The following HEG1 variants were observed in gnomAD, a reference collection of about 807,000 sequenced individuals.
The protein encoded by HEG1 is protein HEG homolog 1.
A neutral mutation model predicts 125.6 loss-of-function variants in HEG1; 56 were observed. The ratio of observed to expected loss-of-function variants is 0.45; its 90% CI spans 0.36 to 0.56. The LOEUF (loss-of-function observed/expected upper bound fraction) is 0.56. Among genes scored for constraint, HEG1 ranks in the 20% least tolerant of loss-of-function variants. The probability of loss-of-function intolerance (pLI) is 0.00; values close to 1 mark genes in which losing one functional copy is unlikely to be tolerated. For synonymous variants in HEG1, 644 were observed against 668.5 expected (o/e 0.96, Z 0.57); for missense variants, 1,523 against 1,670.0 (o/e 0.91, Z 1.53).
intron 14 of HEG1, among the ~76,000 whole-genome samples, chr3:124,990,493 C>T (rs956447928): frequency 1.3e-5 from 2 of 152,186 alleles, no homozygotes; most frequent in Admixed American, 6.5e-5. Context: ...CATGTGCCAT[C>T]ACACCCAGCT....
rs375137864 is a variant in HEG1 at position 124,973,801 on chromosome 3, C to T, written c.3926G>A (p.Arg1309Gln). The part of the protein sequence containing the change: ...PKNPRSQEWG[R>Q]EAIEMHENGS... The stretch of plus-strand genomic sequence containing the variant: ...ATTCTCATGCATTTCAATAGCTTCT[C>T]GGCCCCATTCTTGTGAGCGAGGATT... The change falls in exon 16 of 17, where the codon CGA becomes CAA. Residue 1309 changes from arginine to glutamine, a missense_variant. Arg to Gln is a conservative substitution (Grantham distance 43, BLOSUM62 1). Coordinates refer to ENST00000311127, the MANE Select transcript of HEG1 (RefSeq NM_020733.2). 55 of 1,613,786 alleles carry T rather than the reference C, an allele frequency of 3.4e-5. No homozygotes were observed. The highest frequency in any genetic ancestry group is 3.8e-5 in the Non-Finnish European group (45 of 1,179,812).
At chr3:124,992,400 A>G (rs1176063605) in intron 12 of HEG1, among the ~76,000 whole-genome samples, 2 of 152,252 alleles carry the variant, frequency 1.3e-5, no homozygotes, top group African/African-American at 4.8e-5. Context: ...GAAAGCAATG[A>G]AAAATGGCCT....
intron 12 of HEG1, among the ~76,000 whole-genome samples, chr3:124,993,481 C>T (rs938471511): frequency 2.0e-5 from 3 of 152,148 alleles, no homozygotes; most frequent in Admixed American, 6.5e-5. Context: ...GCTCCTGCCT[C>T]TCCCATGTCT....
rs796456602 is a variant in HEG1, at chr3:125,019,176, T to G, written c.1588+86A>C. On this transcript the variant is annotated intron_variant, in intron 5 of 16. Coordinates refer to ENST00000311127, the MANE Select transcript of HEG1 (RefSeq NM_020733.2). ...AGCCACCACGCTAGGCCCTCATGCG[T>G]GGTTTTAATACGCCACAGATTTCAT... The G allele has an allele frequency of 8.6e-6, 10 of 1,166,296 alleles. No individual in the cohort carries two copies. The African/African-American group carries it at 1.5e-4, about 18-fold the overall frequency. 72.2% of individuals were successfully genotyped at this position (1,166,296 alleles called of 1,614,324 possible). A position where few individuals can be genotyped will look rare whatever the true frequency, so the allele number is the denominator to read the frequency against.
chr3:125,001,756 C>T (rs1937002723), intron 11 of HEG1, 96 bp downstream of exon 11: 4 of 1,368,016 alleles, frequency 2.9e-6, no homozygotes, highest in East Asian at 2.5e-5. Flanking sequence ...TCTGTGAGGG[C>T]CTTTCCTGGG....
chr3:124,973,549 T>G (rs950733191), intron 16 of HEG1, among the ~76,000 whole-genome samples, 182 bp downstream of exon 16: 1 of 152,192 alleles, frequency 6.6e-6, no homozygotes, highest in East Asian at 1.9e-4. Flanking sequence ...CATACCTCAA[T>G]AGCAACACTG....
intron 12 of HEG1, among the ~76,000 whole-genome samples, chr3:124,993,090 T>C (rs1936858276): frequency 6.6e-6 from 1 of 152,170 alleles, no homozygotes; most frequent in Non-Finnish European, 1.5e-5. Context: ...AGCTGCTCTT[T>C]ATTTTAGGGA....
rs1937006073 is a variant in HEG1, at chr3:125,001,931, C to G, written c.3438G>C (p.Arg1146Ser). Residue 1146 changes from arginine (R) to serine (S), a missense_variant, in exon 11 of 17, where the codon AGG becomes AGC. By Grantham distance (110) the Arg-to-Ser change is moderately radical (BLOSUM62 -1). Transcript: ENST00000311127. ...SNVTLFDLAD[R>S]MQKCVNSCKS... ...TGCAGGAGTTGACACATTTCTGCAT[C>G]CTATCAGCCAGGTCAAATAGCGTCA... 2 of 1,613,958 alleles carry G rather than the reference C, an allele frequency of 1.2e-6. No individual in the cohort carries two copies. The highest frequency in any genetic ancestry group is 1.7e-5 in the Admixed American group (1 of 60,026).
intron 6 of HEG1, among the ~76,000 whole-genome samples, chr3:125,011,213 G>GA (rs899351386): frequency 1.3e-5 from 2 of 148,726 alleles, no homozygotes; most frequent in African/African-American, 2.5e-5. Context: ...GTGGTGGAAT[G>GA]AAAAAAAGAA....
At chr3:125,005,683 A>G (rs1258975324) in intron 8 of HEG1, among the ~76,000 whole-genome samples, 2 of 152,210 alleles carry the variant, frequency 1.3e-5, no homozygotes, top group Admixed American at 1.3e-4. Context: ...GGCCTCCCGC[A>G]CAATAGATGC....
intron 12 of HEG1, among the ~76,000 whole-genome samples, chr3:124,997,484 C>T (rs1242093184): frequency 2.0e-5 from 3 of 152,240 alleles, no homozygotes. Context: ...ATTGGCCAGA[C>T]CAGCATGCAC....
At chr3:125,050,759 T>TA (rs1243153061) in intron 1 of HEG1, among the ~76,000 whole-genome samples, 1 of 152,218 alleles carries the variant, frequency 6.6e-6, no homozygotes, top group Non-Finnish European at 1.5e-5. Context: ...CTCTTCCACA[T>TA]AGCAAGGCTT....
At chr3:125,051,667 G>C (rs1174216400) in intron 1 of HEG1, among the ~76,000 whole-genome samples, 1 of 152,218 alleles carries the variant, frequency 6.6e-6, no homozygotes, top group Non-Finnish European at 1.5e-5. Flanking sequence ...CTTCCTTGTT[G>C]CCTCCCCAGG....
chr3:125,031,084 G>T (rs781552010), intron 1 of HEG1, among the ~76,000 whole-genome samples: 1 of 152,126 alleles, frequency 6.6e-6, no homozygotes, highest in Non-Finnish European at 1.5e-5. Flanking sequence ...TAAAGTTGGG[G>T]GTTAAATTGG....
At chr3:124,987,118 T>C (rs994831028) in intron 14 of HEG1, among the ~76,000 whole-genome samples, 5 of 152,164 alleles carry the variant, frequency 3.3e-5, no homozygotes, top group East Asian at 1.9e-4. Flanking sequence ...CGTGGGAGGA[T>C]TGCTTGAGCC....
chr3:124,990,901 T>C, intron 13 of HEG1, 43 bp downstream of exon 13: 1 of 1,553,172 alleles, frequency 6.4e-7, no homozygotes. Flanking sequence ...TTTATCTAAA[T>C]AAGATTTGTA....
At chr3:125,009,649 C>A (rs969792256) in intron 8 of HEG1, 56 bp downstream of exon 8, 1 of 1,503,816 alleles carries the variant, frequency 6.6e-7, no homozygotes, top group Non-Finnish European at 9.0e-7. Context: ...ACAAATGTTA[C>A]CTTGTAAAAT....
intron 12 of HEG1, among the ~76,000 whole-genome samples, chr3:124,996,364 G>A (rs62268964): frequency 9.2e-5 from 14 of 152,004 alleles, no homozygotes; most frequent in East Asian, 7.7e-4. Flanking sequence ...AATTATAGGC[G>A]TGAGTCACCA....
At chr3:124,993,589 G>A (rs555050965) in intron 12 of HEG1, among the ~76,000 whole-genome samples, 3 of 152,210 alleles carry the variant, frequency 2.0e-5, no homozygotes, top group Admixed American at 6.5e-5. Flanking sequence ...CTAACGCTGC[G>A]GGGCAGCCAC....
Sources: allele counts gnomAD v4.1 joint callset (sites outside exome capture counted in the v4.1 genomes callset), GRCh38; gene constraint gnomAD v4.1.1; transcripts MANE v1.5; gene names NCBI Gene and HGNC (gene_info 2026-07-23, HGNC 2026-07-21).